The following CDK14 variants were observed in gnomAD, a reference collection of about 807,000 sequenced individuals.
The protein encoded by CDK14 is cyclin-dependent kinase 14.
Under a neutral mutation model 60.7 loss-of-function variants are expected in CDK14, and 34 were observed. The ratio of observed to expected loss-of-function variants is 0.56; its 90% confidence interval spans 0.43 to 0.75. CDK14 has a LOEUF of 0.75. Among genes scored for constraint, CDK14 ranks in the 30% least tolerant of loss-of-function variants. The pLI is 0.00. For synonymous variants in CDK14, 197 were observed against 203.7 expected, an observed-to-expected ratio of 0.97 and a Z score of 0.28; for missense variants, 482 against 564.1, an observed-to-expected ratio of 0.85 and a Z score of 1.47.
chr7:90,891,409 A>G (rs544327182), intron 6 of CDK14, among the ~76,000 whole-genome samples: 2 of 152,356 alleles, frequency 1.3e-5, no homozygotes, highest in South Asian at 4.1e-4. Context: ...TCAAAACAAA[A>G]TATAACAAAT....
intron 12 of CDK14, among the ~76,000 whole-genome samples, chr7:91,083,069 TTGAG>T (rs1234320479): frequency 2.6e-5 from 4 of 152,150 alleles, no homozygotes; most frequent in African/African-American, 7.2e-5. Context: ...AGCAGTTGAG[TTGAG>T]TGAGTTCTTA....
chr7:90,821,709 G>A (rs117437064), intron 5 of CDK14, among the ~76,000 whole-genome samples: 156 of 152,302 alleles, frequency 1.0e-3, no homozygotes, highest in Admixed American at 3.3e-3. Context: ...CCTGCTTAGG[G>A]ACCTTTGGTG....
intron 10 of CDK14, among the ~76,000 whole-genome samples, chr7:91,019,652 GTTT>G (rs1302730554): frequency 6.6e-6 from 1 of 151,850 alleles, no homozygotes; most frequent in East Asian, 1.9e-4. Context: ...TTATGCATTG[GTTT>G]TGTTATTTTA....
intron 9 of CDK14, among the ~76,000 whole-genome samples, chr7:90,973,447 A>C (rs1388257260): frequency 6.6e-6 from 1 of 152,180 alleles, no homozygotes; most frequent in Admixed American, 6.5e-5. Flanking sequence ...ATGCAATAAA[A>C]AAACGAAAAT....
At chr7:90,728,809 C>G (rs1197006661) in intron 3 of CDK14, among the ~76,000 whole-genome samples, 1 of 151,982 alleles carries the variant, frequency 6.6e-6, no homozygotes, top group African/African-American at 2.4e-5. Context: ...GGTGGCTTGT[C>G]AGTTGGTTGG....
chr7:90,736,141 G>A (rs753888562), intron 3 of CDK14, among the ~76,000 whole-genome samples: 2 of 151,944 alleles, frequency 1.3e-5, no homozygotes, highest in Non-Finnish European at 2.9e-5. Context: ...TTAGCCCTCC[G>A]TGGGCTGCAC....
intron 4 of CDK14, among the ~76,000 whole-genome samples, chr7:90,785,899 T>C (rs1805562601): frequency 1.3e-5 from 2 of 152,142 alleles, no homozygotes. Flanking sequence ...TTTCTGAAAT[T>C]GACAGATTTG....
At chr7:91,042,342 G>A (rs973277307) in intron 10 of CDK14, among the ~76,000 whole-genome samples, 11 of 151,818 alleles carry the variant, frequency 7.2e-5, no homozygotes, top group East Asian at 5.8e-4. Context: ...ACCCTCTCCC[G>A]GTAGCATTTC....
chr7:90,864,886 T>G (rs1340211992), intron 6 of CDK14, among the ~76,000 whole-genome samples: 3 of 152,182 alleles, frequency 2.0e-5, no homozygotes, highest in Non-Finnish European at 4.4e-5. Flanking sequence ...AATCAACCAC[T>G]TAATAATATG....
intron 12 of CDK14, among the ~76,000 whole-genome samples, chr7:91,092,616 C>G (rs908635039): frequency 2.6e-5 from 4 of 152,162 alleles, no homozygotes; most frequent in Non-Finnish European, 4.4e-5. Flanking sequence ...GCAACTGTTT[C>G]TGTGTTGGGA....
chr7:90,799,690 CAAAAAAAAAAAAAA>C (rs11353946), intron 5 of CDK14, among the ~76,000 whole-genome samples: 1 of 53,530 alleles, frequency 1.9e-5, no homozygotes, highest in African/African-American at 7.2e-5. Flanking sequence ...AACTCCATCT[CAAAAAAAAAAAAAA>C]AAAAAAAAAA....
chr7:90,963,266 A>G (rs1033073526), intron 9 of CDK14, among the ~76,000 whole-genome samples: 13 of 152,086 alleles, frequency 8.5e-5, no homozygotes, highest in Admixed American at 7.2e-4. Flanking sequence ...TCAGCAAAGT[A>G]TAAAAGTTCA....
chr7:91,030,280 T>C (rs1350436328), intron 10 of CDK14, among the ~76,000 whole-genome samples: 2 of 152,346 alleles, frequency 1.3e-5, no homozygotes, highest in Non-Finnish European at 2.9e-5. Flanking sequence ...TAGTTGTAAC[T>C]CACACATTCC....
chr7:90,808,456 C>T (rs1432392305), intron 5 of CDK14, among the ~76,000 whole-genome samples: 1 of 152,032 alleles, frequency 6.6e-6, no homozygotes, highest in Non-Finnish European at 1.5e-5. Context: ...TACAAGAGAC[C>T]CTGAAGGAAG....
intron 14 of CDK14, among the ~76,000 whole-genome samples, chr7:91,155,744 T>C (rs1020064551): frequency 6.6e-6 from 1 of 152,198 alleles, no homozygotes; most frequent in African/African-American, 2.4e-5. Flanking sequence ...CATTTTTGTG[T>C]CATTGAAGTA....
At chr7:90,614,650 A>G (rs1009384944) in intron 2 of CDK14, among the ~76,000 whole-genome samples, 6 of 152,014 alleles carry the variant, frequency 3.9e-5, no homozygotes, top group Admixed American at 3.9e-4. Flanking sequence ...ATCTCATTGT[A>G]TTGCCCAGAC....
intron 2 of CDK14, among the ~76,000 whole-genome samples, chr7:90,674,452 C>T (rs1215199073): frequency 2.6e-5 from 4 of 151,932 alleles, no homozygotes; most frequent in Non-Finnish European, 4.4e-5. Context: ...CACAAATTCC[C>T]CTAGAAGAGT....
chr7:90,744,425 C>T (rs1477093301), intron 3 of CDK14, among the ~76,000 whole-genome samples: 9 of 152,234 alleles, frequency 5.9e-5, no homozygotes, highest in East Asian at 3.8e-4. Context: ...TATACAGACA[C>T]GGCAACCATC....
At chr7:91,079,381 A>G (rs774836265) in intron 11 of CDK14, 51 bp from the exon 12 acceptor site, 18 of 1,233,682 alleles carry the variant, frequency 1.5e-5, no homozygotes, top group Non-Finnish European at 2.1e-5. Context: ...CATACTTGTA[A>G]TATATACATT....
Sources: allele counts gnomAD v4.1 joint callset (sites outside exome capture counted in the v4.1 genomes callset), GRCh38; gene constraint gnomAD v4.1.1; transcripts MANE v1.5; gene names NCBI Gene and HGNC (gene_info 2026-07-23, HGNC 2026-07-21).